SKI: variants seen among roughly 807,000 people sequenced by gnomAD.
SKI encodes ski oncogene.
In SKI, 23 loss-of-function variants were observed where a neutral mutation model predicts 59.3. The ratio of observed to expected loss-of-function variants is 0.39; its 90% CI spans 0.28 to 0.55. The LOEUF (loss-of-function observed/expected upper bound fraction) is 0.55. Among genes scored for constraint, SKI ranks in the 20% least tolerant of loss-of-function variants. The pLI is 0.67. For synonymous variants in SKI, 673 were observed against 488.6 expected (o/e 1.38, Z -4.98); for missense variants, 1,017 against 1,038.9 (o/e 0.98, Z 0.29).
rs543584871 is a variant in SKI, at chr1:2,306,762, G to C, written c.2184G>C (p.Pro728=). 3.2e-4 allele frequency: 481 copies of C among 1,513,468 alleles called. 2 individuals are homozygous for C. The African/African-American group carries it at 5.6e-3, about 18-fold the overall frequency. 93.8% of individuals were successfully genotyped at this position (1,513,468 alleles called of 1,614,324 possible). A position where few individuals can be genotyped will look rare whatever the true frequency, so the allele number is the denominator to read the frequency against. ...AGSEGAAELE[P] ...GCGAGGGCGCTGCGGAGCTGGAGCC[G>C]TAGATTCCGTGCCTGCCGCCGCAGC... The change falls in exon 7 of 7, where the codon CCG becomes CCC. Residue 728 remains proline, a synonymous_variant. Transcript: ENST00000378536.
At chr1:2,291,745 A>G (rs1640167504) in intron 1 of SKI, among the ~76,000 whole-genome samples, 1 of 152,232 alleles carries the variant, frequency 6.6e-6, no homozygotes, top group African/African-American at 2.4e-5. Context: ...GGCCAGTGCC[A>G]AGGCCCCGAG....
At chr1:2,262,114 G>A (rs1430066215) in intron 1 of SKI, among the ~76,000 whole-genome samples, 7 of 141,682 alleles carry the variant, frequency 4.9e-5, no homozygotes, top group African/African-American at 1.4e-4. Context: ...CTGATCTCCT[G>A]GTCTGGAAGG....
At chr1:2,230,031 A>G (rs1638596842) in intron 1 of SKI, among the ~76,000 whole-genome samples, 1 of 152,202 alleles carries the variant, frequency 6.6e-6, no homozygotes, top group South Asian at 2.1e-4. Context: ...GGCATTGCCC[A>G]GATAGGAAGG....
At chr1:2,234,388 TG>T (rs1193570765) in intron 1 of SKI, among the ~76,000 whole-genome samples, 4 of 152,042 alleles carry the variant, frequency 2.6e-5, no homozygotes, top group East Asian at 1.9e-4. Context: ...AGGGTCACGG[TG>T]GGGGGGCTAG....
chr1:2,294,567 G>A (rs1016398110), intron 1 of SKI, among the ~76,000 whole-genome samples: 2 of 152,228 alleles, frequency 1.3e-5, no homozygotes, highest in African/African-American at 4.8e-5. Context: ...GTAAGCCCAG[G>A]GCCACCTTGT....
chr1:2,246,540 C>T (rs951437499), intron 1 of SKI, among the ~76,000 whole-genome samples: 3 of 152,152 alleles, frequency 2.0e-5, no homozygotes, highest in Admixed American at 6.6e-5. Context: ...GAAGCTGGAG[C>T]GTCTCGGCGC....
rs968651931 is a variant in SKI at position 2,267,215 on chromosome 1, G to A, written c.970-35763G>A. 6.6e-6 allele frequency among the ~76,000 whole-genome samples: 1 copy of A among 152,132 alleles called. No individual in the cohort carries two copies. Among genetic ancestry groups the A allele is most frequent in the African/African-American group, 2.4e-5 (1 of 41,424 alleles). On this transcript the variant is annotated intron_variant, in intron 1 of 6. Transcript: ENST00000378536. The surrounding 1 kb of genome is among the most constrained non-coding windows in gnomAD (Gnocchi z 4.1). ...TTGTAACAAGCTTGGTGTCCATATC[G>A]CTCTTAATAACATCTGCAGGCACAG...
intron 1 of SKI, among the ~76,000 whole-genome samples, chr1:2,260,636 G>C (rs1157054899): frequency 1.4e-5 from 2 of 138,388 alleles, no homozygotes; most frequent in Non-Finnish European, 3.0e-5. Flanking sequence ...TACCTCCCAG[G>C]CTGAGGTGAT....
chr1:2,230,319 A>G (rs1638606108), intron 1 of SKI, among the ~76,000 whole-genome samples: 1 of 152,198 alleles, frequency 6.6e-6, no homozygotes, highest in Non-Finnish European at 1.5e-5. Flanking sequence ...AAATGAAGCC[A>G]GGTGTCCAGG....
chr1:2,301,429 C>T (rs947982764), intron 1 of SKI, among the ~76,000 whole-genome samples: 1 of 151,540 alleles, frequency 6.6e-6, no homozygotes, highest in Non-Finnish European at 1.5e-5. Context: ...GAGCACTTAT[C>T]TTTCTCCCTT....
chr1:2,304,594 G>T lies in SKI; in HGVS notation c.1767+9G>T, dbSNP rs181520853. On this transcript the variant is annotated intron_variant, in intron 5 of 6. Transcript: ENST00000378536. ...AGCGCAGCCTCCACCAGGTGAGCGG[G>T]GCGAGTGGTGCTGGGAGGTCCAGGG... The T allele has an allele frequency of 2.6e-6, 4 of 1,544,382 alleles. No homozygotes were observed. The African/African-American group carries it at 4.1e-5, about 16-fold the overall frequency.
intron 1 of SKI, among the ~76,000 whole-genome samples, chr1:2,253,095 GAA>G (rs55741448): frequency 0.54 from 75,532 of 139,478 alleles, 19,941 homozygotes; most frequent in East Asian, 0.82. Flanking sequence ...GACCCTGTCT[GAA>G]AAAAAAAAAA....
intron 1 of SKI, among the ~76,000 whole-genome samples, chr1:2,273,602 G>T (rs576215170): frequency 6.6e-6 from 1 of 152,342 alleles, no homozygotes; most frequent in South Asian, 2.1e-4. Context: ...GGGCAGAGGT[G>T]CAGGTTGGGT....
chr1:2,280,033 C>G (rs546760478), intron 1 of SKI, among the ~76,000 whole-genome samples: 1 of 152,252 alleles, frequency 6.6e-6, no homozygotes, highest in South Asian at 2.1e-4. Context: ...CATGGGTGCG[C>G]GAAAATTCTG....
intron 1 of SKI, among the ~76,000 whole-genome samples, chr1:2,302,112 A>G (rs1347028859): frequency 6.6e-6 from 1 of 152,192 alleles, no homozygotes; most frequent in African/African-American, 2.4e-5. Context: ...CCCCCAGCAC[A>G]CAACCCACAT....
intron 1 of SKI, among the ~76,000 whole-genome samples, chr1:2,273,847 C>A (rs915138945): frequency 2.0e-4 from 31 of 152,148 alleles, no homozygotes; most frequent in African/African-American, 7.2e-4. Context: ...TGCGGATGGG[C>A]CGTGCAGGCA....
chr1:2,255,252 T>G (rs1639248986), intron 1 of SKI, among the ~76,000 whole-genome samples: 1 of 152,048 alleles, frequency 6.6e-6, no homozygotes, highest in South Asian at 2.1e-4. Context: ...CGTACCTGAG[T>G]GTGACAAGCA....
chr1:2,240,783 C>G (rs1429667517), intron 1 of SKI: 2 of 985,424 alleles, frequency 2.0e-6, no homozygotes, highest in Non-Finnish European at 2.4e-6. Flanking sequence ...TCCTGTTGTT[C>G]GTGAGTCAGG....
rs1638557687 is a variant in SKI at position 2,228,711 on chromosome 1, G to C, written c.-56G>C. The C allele has an allele frequency of 1.0e-6, 1 of 981,052 alleles. No individual in the cohort carries two copies. The highest frequency in any genetic ancestry group is 1.2e-6 in the Non-Finnish European group (1 of 827,156). The allele number at this position is 981,052 out of a possible 1,614,324, so 60.8% of individuals were successfully genotyped here. The stretch of plus-strand genomic sequence containing the variant: ...CGGGGCGCGCGGGGCGGCGGCGGGG[G>C]CCGGGGGGGCCCGGGCGCGCGGGAG... On this transcript the variant is annotated 5_prime_UTR_variant, in exon 1 of 7. Coordinates refer to ENST00000378536, the MANE Select transcript of SKI (RefSeq NM_003036.4).
Sources: gnomAD v4.1 joint callset for allele counts (sites outside exome capture counted in the v4.1 genomes callset) on GRCh38, gnomAD v4.1.1 for gene constraint, Gnocchi (gnomAD v3.1) non-coding constraint, MANE v1.5 for transcripts, NCBI Gene and HGNC (gene_info 2026-07-23, HGNC 2026-07-21) for gene names.